Variants in VPS41 observed in about 807,000 individuals in gnomAD.
VPS41 encodes the protein VPS41 subunit of HOPS complex.
Under a neutral mutation model 130.9 loss-of-function variants are expected in VPS41, and 85 were observed. The ratio of observed to expected loss-of-function variants is 0.65; its 90% CI spans 0.55 to 0.78. The LOEUF (loss-of-function observed/expected upper bound fraction) is 0.78. VPS41 is among the 30% of genes least tolerant of loss of function. The probability of loss-of-function intolerance (pLI) is 0.00; values close to 1 mark genes in which losing one functional copy is unlikely to be tolerated. For synonymous variants in VPS41, 335 were observed against 332.9 expected (o/e 1.01, Z -0.07); for missense variants, 874 against 1,018.7 (o/e 0.86, Z 1.93).
At position 38,905,295 on chromosome 7, in the gene VPS41, AC is replaced by A. The variant is rs1303341334; in HGVS notation, c.21+3858del. ...AATGTTATTCATAAGAAAGATATGGACAAATACTGTTGGGCATCTGTGAATA... is the reference window on the plus strand; with the variant it reads ...AATGTTATTCATAAGAAAGATATGGAAAATACTGTTGGGCATCTGTGAATA... On this transcript the variant is annotated intron_variant, in intron 1 of 28. Coordinates refer to ENST00000310301, the MANE Select transcript of VPS41 (RefSeq NM_014396.4). Among the ~76,000 whole-genome samples, 3 of 152,308 alleles carry A rather than the reference AC, an allele frequency of 2.0e-5. No homozygotes were observed. In the East Asian group the frequency reaches 5.8e-4, roughly 29 times the overall value.
chr7:38,758,239 A>T, intron 18 of VPS41, 115 bp downstream of exon 18: 1 of 937,914 alleles, frequency 1.1e-6, no homozygotes, highest in Non-Finnish European at 1.6e-6. Context: ...CTAAGAAGGA[A>T]TGTAGGAAAA....
chr7:38,764,516 G>A (rs1368315527), intron 16 of VPS41, among the ~76,000 whole-genome samples: 4 of 152,124 alleles, frequency 2.6e-5, no homozygotes, highest in African/African-American at 9.7e-5. Context: ...GATAACTCTG[G>A]GCTAGGGCTG....
At chr7:38,729,481 G>A (rs1173322144) in intron 25 of VPS41, among the ~76,000 whole-genome samples, 2 of 152,140 alleles carry the variant, frequency 1.3e-5, no homozygotes, top group African/African-American at 2.4e-5. Context: ...GGAGGGGTTT[G>A]AAAAATGACC....
chr7:38,724,787 T>C lies in VPS41; in HGVS notation c.*1459A>G, dbSNP rs1349151455. On this transcript the variant is annotated 3_prime_UTR_variant, in exon 29 of 29. Transcript: ENST00000310301. ...TTGTGTTTTTAGTAGAGATGGGGTT[T>C]CTCCATGTTGGTCAGGCTGGTCTCG... is the stretch of plus-strand genomic sequence containing the variant. 6.6e-6 allele frequency: 1 copy of C among 152,310 alleles called. No homozygotes were observed. Among genetic ancestry groups the C allele is most frequent in the Non-Finnish European group, 1.5e-5 (1 of 68,202 alleles). The allele number at this position is 152,310 out of a possible 1,614,324, so 9.4% of individuals were successfully genotyped here. A position where few individuals can be genotyped will look rare whatever the true frequency, so the allele number is the denominator to read the frequency against.
Position 38,898,166 on chromosome 7 carries a change from T to C in VPS41, c.22-37A>G, listed in dbSNP as rs895302127. On this transcript the variant is annotated intron_variant, in intron 1 of 28. Coordinates refer to ENST00000310301, the MANE Select transcript of VPS41 (RefSeq NM_014396.4). ...AGAAAAAGAAAATGGTCAGAAGAGA[T>C]GATAAAAGAATAATCATTTGCAAGG... is the stretch of plus-strand genomic sequence containing the variant. The C allele has an allele frequency of 4.4e-6, 7 of 1,575,782 alleles. No individual in the cohort carries two copies. In the East Asian group the frequency reaches 1.3e-4, roughly 30 times the overall value.
At chr7:38,808,540 C>T (rs933997288) in intron 7 of VPS41, among the ~76,000 whole-genome samples, 2 of 152,102 alleles carry the variant, frequency 1.3e-5, no homozygotes, top group Non-Finnish European at 2.9e-5. Flanking sequence ...AACGTGCAAC[C>T]GTTAGATTGG....
chr7:38,745,530 G>T, intron 23 of VPS41, 29 bp downstream of exon 23: 1 of 1,590,262 alleles, frequency 6.3e-7, no homozygotes, highest in South Asian at 1.1e-5. Context: ...CTTAGTTTAT[G>T]GGGACCAAAA....
chr7:38,845,355 T>C (rs528307528), intron 4 of VPS41, among the ~76,000 whole-genome samples: 1 of 152,322 alleles, frequency 6.6e-6, no homozygotes, highest in African/African-American at 2.4e-5. Context: ...ACAAAACAAA[T>C]GTGAACCTTG....
chr7:38,885,234 C>T (rs1355173796), intron 2 of VPS41, among the ~76,000 whole-genome samples: 3 of 152,054 alleles, frequency 2.0e-5, no homozygotes, highest in African/African-American at 4.8e-5. Context: ...CCACTATGCC[C>T]GGCTGATTTT....
In VPS41 at chr7:38,795,568, T is replaced by A. The variant is rs376225538; in HGVS notation, c.614A>T (p.Asn205Ile). ...AAGACTTATATCATCCCGGGGCACA[T>A]TGGTGATTCTTTGCTTTGAGATGAT... ...FDIISKQRIT[N>I]VPRDDISLRP... The change falls in exon 9 of 29, where the codon AAT becomes ATT. Residue 205 changes from asparagine (N) to isoleucine (I), a missense_variant. Coordinates refer to ENST00000310301, the MANE Select transcript of VPS41 (RefSeq NM_014396.4). The A allele has an allele frequency of 3.7e-6, 6 of 1,612,958 alleles. No homozygotes were observed. The highest frequency in any genetic ancestry group is 4.2e-6 in the Non-Finnish European group (5 of 1,179,320).
chr7:38,900,417 G>A (rs560401252), intron 1 of VPS41, among the ~76,000 whole-genome samples: 2 of 152,130 alleles, frequency 1.3e-5, no homozygotes, highest in African/African-American at 4.8e-5. Flanking sequence ...GGTAGATGAT[G>A]AGAAAATTAT....
chr7:38,763,281 T>G lies in VPS41; in HGVS notation c.1422+174A>C, dbSNP rs367725202. On this transcript the variant is annotated intron_variant, in intron 17 of 28. Transcript: ENST00000310301. ...TAAAATGCACACGGACTAAGTGTTT[T>G]CACTGTCTACATAAACATGAGTTAT... 3.9e-5 allele frequency among the ~76,000 whole-genome samples: 6 copies of G among 152,356 alleles called. No homozygotes were observed. In the East Asian group the frequency reaches 7.7e-4, roughly 20 times the overall value.
chr7:38,749,134 G>C (rs894437934), intron 22 of VPS41, among the ~76,000 whole-genome samples: 5 of 152,098 alleles, frequency 3.3e-5, no homozygotes, highest in African/African-American at 1.2e-4. Flanking sequence ...CAGAGTCGTG[G>C]TGATTTTAAA....
chr7:38,826,416 C>T (rs1286998969), intron 5 of VPS41, among the ~76,000 whole-genome samples: 1 of 152,162 alleles, frequency 6.6e-6, no homozygotes, highest in Non-Finnish European at 1.5e-5. Context: ...TAAGAAATAT[C>T]TTAATATTAA....
At chr7:38,833,775 C>G (rs1257860171) in intron 4 of VPS41, among the ~76,000 whole-genome samples, 1 of 152,056 alleles carries the variant, frequency 6.6e-6, no homozygotes, top group Non-Finnish European at 1.5e-5. Flanking sequence ...TCCAATTCAA[C>G]ATAAATTCTT....
chr7:38,845,601 C>G (rs1004402841), intron 4 of VPS41, among the ~76,000 whole-genome samples: 3 of 152,138 alleles, frequency 2.0e-5, no homozygotes, highest in African/African-American at 7.2e-5. Context: ...TGTGGTCTCC[C>G]CAAGATGTCT....
At chr7:38,853,622 TGAACCCCAAAGAAA>T (rs139565718) in intron 4 of VPS41, among the ~76,000 whole-genome samples, 39,120 of 151,778 alleles carry the variant, frequency 0.26, 5,334 homozygotes, top group South Asian at 0.46. Context: ...ATAATGGCCT[TGAACCCCAAAGAAA>T]GAACCACCAG....
chr7:38,783,303 A>G (rs1485272367), intron 10 of VPS41, among the ~76,000 whole-genome samples: 6 of 151,748 alleles, frequency 4.0e-5, no homozygotes, highest in Non-Finnish European at 8.8e-5. Flanking sequence ...TTGGGAGGCC[A>G]AGGCAGGTGG....
intron 4 of VPS41, among the ~76,000 whole-genome samples, chr7:38,852,573 T>C (rs1231388808): frequency 6.6e-6 from 1 of 152,156 alleles, no homozygotes; most frequent in Non-Finnish European, 1.5e-5. Context: ...TATTCAACTA[T>C]CCTAATATAT....
Sources: gnomAD v4.1 joint callset for allele counts (sites outside exome capture counted in the v4.1 genomes callset) on GRCh38, gnomAD v4.1.1 for gene constraint, MANE v1.5 for transcripts, NCBI Gene and HGNC (gene_info 2026-07-23, HGNC 2026-07-21) for gene names.